The following KRT72 variants were observed in gnomAD, a reference collection of about 807,000 sequenced individuals.
KRT72 encodes the protein keratin 72, also known as keratin, type II cytoskeletal 72.
Under a neutral mutation model 44.7 loss-of-function variants are expected in KRT72, and 44 were observed. The ratio of observed to expected loss-of-function variants is 0.98; its 90% CI spans 0.77 to 1.27. The LOEUF (loss-of-function observed/expected upper bound fraction) is 1.27, where lower values mean the gene tolerates loss of function less well. KRT72 is among the 50% of genes most tolerant of loss of function. The pLI is 0.00. For missense variants in KRT72, 736 were observed against 667.1 expected (o/e 1.10, Z -1.14); for synonymous variants, 302 against 280.4 (o/e 1.08, Z -0.77).
chr12:52,588,458 C>T (rs1317622873), intron 6 of KRT72, among the ~76,000 whole-genome samples: 2 of 152,114 alleles, frequency 1.3e-5, no homozygotes, highest in African/African-American at 2.4e-5. Flanking sequence ...AATGAGAACA[C>T]ATGGACACAG....
intron 6 of KRT72, 62 bp downstream of exon 6, chr12:52,590,774 T>A: frequency 6.8e-7 from 1 of 1,478,484 alleles, no homozygotes; most frequent in Non-Finnish European, 9.1e-7. Context: ...TTCTTCATAT[T>A]CTGTCTGGCC....
chr12:52,587,001 C>T, intron 7 of KRT72, 21 bp from the exon 8 acceptor site: 1 of 1,612,392 alleles, frequency 6.2e-7, no homozygotes, highest in Non-Finnish European at 8.5e-7. Context: ...AGAAGAAAAA[C>T]AGGTAAATCC....
Position 52,596,417 on chromosome 12 carries a change from A to G in KRT72, c.641+2481T>C, listed in dbSNP as rs544325476. ...CAACTCATTAGGAAAAGTATTTTCAATTTTTTTTCATTTTTTATGTTTAAT... is the reference window on the plus strand; with the variant it reads ...CAACTCATTAGGAAAAGTATTTTCAGTTTTTTTTCATTTTTTATGTTTAAT... On this transcript the variant is annotated intron_variant, in intron 2 of 8. Coordinates refer to ENST00000293745, the MANE Select transcript of KRT72 (RefSeq NM_080747.3). Among the ~76,000 whole-genome samples, 6 of 152,162 alleles carry G rather than the reference A, an allele frequency of 3.9e-5. 1 individual carries two copies. The highest frequency in any genetic ancestry group is 1.4e-4 in the African/African-American group (6 of 41,526).
intron 1 of KRT72, chr12:52,599,533 CT>C (rs1940340243): frequency 2.2e-6 from 1 of 446,722 alleles, no homozygotes; most frequent in African/African-American, 2.0e-5. Context: ...TTGTTCATTT[CT>C]TTGTTGTTCA....
chr12:52,589,424 G>C (rs1162140860), intron 6 of KRT72, among the ~76,000 whole-genome samples: 1 of 152,174 alleles, frequency 6.6e-6, no homozygotes, highest in Non-Finnish European at 1.5e-5. Flanking sequence ...ATCATTCATG[G>C]AGTGGCCACA....
At chr12:52,592,516 G>A (rs202119816) in intron 3 of KRT72, 25 bp from the exon 4 acceptor site, 79 of 1,572,576 alleles carry the variant, frequency 5.0e-5, no homozygotes, top group Middle Eastern at 1.7e-4. Flanking sequence ...TAGTCAAGCC[G>A]CCCTGAGAGG....
At chr12:52,593,713 G>A (rs969441868) in intron 2 of KRT72, among the ~76,000 whole-genome samples, 2 of 152,128 alleles carry the variant, frequency 1.3e-5, no homozygotes, top group Non-Finnish European at 2.9e-5. Context: ...AATATGCTAC[G>A]ACATGGATGA....
At chr12:52,591,761 G>C (rs1940040761) in intron 4 of KRT72, 133 bp from the exon 5 acceptor site, 2 of 832,592 alleles carry the variant, frequency 2.4e-6, no homozygotes, top group African/African-American at 3.4e-5. Flanking sequence ...CAGCACCAGT[G>C]CCTGGCAGGC....
intron 5 of KRT72, 116 bp downstream of exon 5, chr12:52,591,348 C>T: frequency 2.6e-6 from 3 of 1,143,016 alleles, no homozygotes; most frequent in Non-Finnish European, 3.7e-6. Flanking sequence ...GAGGTCTTGA[C>T]TGAGCCCAAA....
intron 6 of KRT72, among the ~76,000 whole-genome samples, chr12:52,589,904 T>C (rs1054151549): frequency 4.6e-5 from 7 of 152,218 alleles, no homozygotes; most frequent in Non-Finnish European, 8.8e-5. Flanking sequence ...TGCACTTATA[T>C]AGCTCTTGAT....
rs1016449312 is a variant in KRT72 at position 52,599,375 on chromosome 12, G to A, written c.427-263C>T. 102 of 560,774 alleles carry A rather than the reference G, an allele frequency of 1.8e-4. 1 individual carries two copies. Among genetic ancestry groups the A allele is most frequent in the Admixed American group, 1.8e-3 (82 of 45,672 alleles). 34.7% of individuals were successfully genotyped at this position (560,774 alleles called of 1,614,324 possible). On this transcript the variant is annotated intron_variant, in intron 1 of 8. Coordinates refer to ENST00000293745, the MANE Select transcript of KRT72 (RefSeq NM_080747.3). Reference sequence around the variant, plus strand: ...TGCCTCAGTGAGTTTTCATGAGACAGAGGTAGCTTCTCATGCTATAAATGC... The same window carrying A: ...TGCCTCAGTGAGTTTTCATGAGACAAAGGTAGCTTCTCATGCTATAAATGC...
chr12:52,597,543 C>A (rs1940264202), intron 2 of KRT72, among the ~76,000 whole-genome samples: 1 of 152,142 alleles, frequency 6.6e-6, no homozygotes, highest in Non-Finnish European at 1.5e-5. Context: ...ATTCTTAGCA[C>A]AAATTATTTC....
chr12:52,589,974 A>C (rs1243220405), intron 6 of KRT72, among the ~76,000 whole-genome samples: 1 of 152,152 alleles, frequency 6.6e-6, no homozygotes, highest in African/African-American at 2.4e-5. Context: ...TACCATGAGC[A>C]CAGAGGAGTA....
chr12:52,586,619 C>A (rs1199077211), intron 8 of KRT72, among the ~76,000 whole-genome samples: 1 of 152,228 alleles, frequency 6.6e-6, no homozygotes, highest in Non-Finnish European at 1.5e-5. Context: ...ATCACTCAAC[C>A]CTTCAGGCCC....
chr12:52,595,261 T>C (rs1940194114), intron 2 of KRT72, among the ~76,000 whole-genome samples: 1 of 152,080 alleles, frequency 6.6e-6, no homozygotes, highest in African/African-American at 2.4e-5. Context: ...AATAACTTAT[T>C]ATTTAAAAAT....
intron 2 of KRT72, 88 bp from the exon 3 acceptor site, chr12:52,593,040 TGG>T: frequency 8.0e-7 from 1 of 1,257,600 alleles, no homozygotes; most frequent in Non-Finnish European, 1.1e-6. Flanking sequence ...AGCTGCAGGG[TGG>T]GGGTCTTCAA....
upstream of KRT72, among the ~76,000 whole-genome samples, chr12:52,602,893 G>A (rs771536057): frequency 6.6e-6 from 1 of 152,170 alleles, no homozygotes; most frequent in Non-Finnish European, 1.5e-5. Context: ...TACTCCACGG[G>A]GAACAAAGTT....
chr12:52,595,717 G>T (rs768023857), intron 2 of KRT72, among the ~76,000 whole-genome samples: 1 of 152,166 alleles, frequency 6.6e-6, no homozygotes, highest in Admixed American at 6.5e-5. Context: ...TAGGTGTATT[G>T]AGTACTAACA....
At chr12:52,599,985 T>TGA (rs1394968737) in intron 1 of KRT72, among the ~76,000 whole-genome samples, 1 of 152,160 alleles carries the variant, frequency 6.6e-6, no homozygotes, top group African/African-American at 2.4e-5. Context: ...GGCTGTCCCC[T>TGA]TATCACTCAC....
Sources: gnomAD v4.1 joint callset for allele counts (sites outside exome capture counted in the v4.1 genomes callset) on GRCh38, gnomAD v4.1.1 for gene constraint, MANE v1.5 for transcripts, NCBI Gene and HGNC (gene_info 2026-07-23, HGNC 2026-07-21) for gene names.